The following APBB2 variants were observed in gnomAD, a reference collection of about 807,000 sequenced individuals.
The protein encoded by APBB2 is Fe65-like 1.
Under a neutral mutation model 82.5 loss-of-function variants are expected in APBB2, and 38 were observed. That is an observed-to-expected ratio of 0.46 (90% CI 0.36 to 0.60). The LOEUF (loss-of-function observed/expected upper bound fraction) is 0.60, where lower values mean the gene tolerates loss of function less well. Among genes scored for constraint, APBB2 ranks in the 20% least tolerant of loss-of-function variants. APBB2 has a pLI of 0.00. For synonymous variants in APBB2, 341 were observed against 368.2 expected, an observed-to-expected ratio of 0.93 and a Z score of 0.85; for missense variants, 772 against 972.3, an observed-to-expected ratio of 0.79 and a Z score of 2.74.
chr4:40,921,889 A>G (rs866894850), intron 10 of APBB2, among the ~76,000 whole-genome samples: 2 of 152,190 alleles, frequency 1.3e-5, no homozygotes, highest in South Asian at 2.1e-4. Flanking sequence ...TGGCTGGGGC[A>G]GAAAAGTGGG....
In APBB2 at chr4:40,832,013, T is replaced by TATACACACACACACACACACACAC. The variant is rs777910826; in HGVS notation, c.1530-1437_1530-1436insGTGTGTGTGTGTGTGTGTGTGTAT. Among the ~76,000 whole-genome samples, 148 of 138,972 alleles carry TATACACACACACACACACACACAC rather than the reference T, an allele frequency of 1.1e-3. 1 individual carries two copies. The highest frequency in any genetic ancestry group is 2.1e-3 in the South Asian group (9 of 4,216). 91.2% of individuals were successfully genotyped at this position (138,972 alleles called of 152,430 possible). A position where few individuals can be genotyped will look rare whatever the true frequency, so the allele number is the denominator to read the frequency against. On this transcript the variant is annotated intron_variant, in intron 12 of 17. Coordinates refer to ENST00000508593, the MANE Select transcript of APBB2 (RefSeq NM_004307.2). This position sits in a 1 kb window ranked among gnomAD's most constrained non-coding sequence, Gnocchi z 4.8. ...ACACATATTTATATATTTATTTATA[T>TATACACACACACACACACACACAC]ACACACACACACACACACACACACA...
intron 10 of APBB2, among the ~76,000 whole-genome samples, chr4:40,927,857 C>T (rs1253794481): frequency 2.0e-5 from 3 of 152,054 alleles, no homozygotes; most frequent in African/African-American, 4.8e-5. Flanking sequence ...GAAGTCTGAG[C>T]GGAGTTACAC....
chr4:41,178,602 C>T (rs1424109769), intron 1 of APBB2, among the ~76,000 whole-genome samples: 1 of 152,154 alleles, frequency 6.6e-6, no homozygotes, highest in East Asian at 1.9e-4. Context: ...ATGAATGAAC[C>T]TCATCTTCTA....
At position 41,014,317 on chromosome 4, in the gene APBB2, G is replaced by A; in HGVS notation, c.101C>T (p.Thr34Ile). 7 of 1,614,182 alleles carry A rather than the reference G, an allele frequency of 4.3e-6. No individual in the cohort carries two copies. The highest frequency in any genetic ancestry group is 5.9e-6 in the Non-Finnish European group (7 of 1,180,048). The change falls in exon 6 of 18, where the codon ACA becomes ATA. Residue 34 changes from threonine (T) to isoleucine (I), a missense_variant. Physicochemically the swap from Thr to Ile is moderately conservative, Grantham distance 89. Transcript: ENST00000508593. ...TDVTNRNSPA[T>I]PPNTLNLRSS... ...TCGGAGGTTAAGGGTGTTTGGTGGT[G>A]TGGCTGGGCTGTTCCGATTTGTGAC...
At chr4:40,949,217 T>G (rs1271331700) in intron 6 of APBB2, among the ~76,000 whole-genome samples, 2 of 151,802 alleles carry the variant, frequency 1.3e-5, no homozygotes, top group Non-Finnish European at 2.9e-5. Flanking sequence ...TGCAGTAAGC[T>G]GAGATCGTGC....
intron 6 of APBB2, among the ~76,000 whole-genome samples, chr4:40,984,363 G>C (rs1288873639): frequency 6.6e-6 from 1 of 152,128 alleles, no homozygotes; most frequent in African/African-American, 2.4e-5. Flanking sequence ...ACCTTTCAGG[G>C]AACTTAAAGG....
At chr4:40,929,217 G>C (rs909274692) in intron 10 of APBB2, among the ~76,000 whole-genome samples, 1 of 151,852 alleles carries the variant, frequency 6.6e-6, no homozygotes, top group Non-Finnish European at 1.5e-5. Flanking sequence ...AAAGTGCATA[G>C]AAAAATAAGA....
At chr4:41,140,060 T>TA (rs1466553532) in intron 2 of APBB2, among the ~76,000 whole-genome samples, 1 of 152,144 alleles carries the variant, frequency 6.6e-6, no homozygotes. Context: ...AATTACAAAA[T>TA]ATAATATTAA....
chr4:41,141,048 T>C (rs1422158477), intron 2 of APBB2, among the ~76,000 whole-genome samples: 1 of 152,182 alleles, frequency 6.6e-6, no homozygotes, highest in Non-Finnish European at 1.5e-5. Context: ...ACTCACTGTT[T>C]GGAAAAACTG....
intron 3 of APBB2, among the ~76,000 whole-genome samples, chr4:41,090,858 G>C (rs1741441529): frequency 6.6e-6 from 1 of 152,170 alleles, no homozygotes; most frequent in South Asian, 2.1e-4. Context: ...AAGGCATAGA[G>C]GGCTCATATG....
At chr4:41,085,268 A>G (rs902805942) in intron 3 of APBB2, among the ~76,000 whole-genome samples, 1 of 151,680 alleles carries the variant, frequency 6.6e-6, no homozygotes, top group African/African-American at 2.4e-5. Context: ...AAAAAAAAAA[A>G]AGACTGAAAC....
intron 7 of APBB2, among the ~76,000 whole-genome samples, chr4:40,938,289 G>A (rs1785897689): frequency 1.3e-5 from 2 of 152,182 alleles, no homozygotes; most frequent in African/African-American, 4.8e-5. Context: ...GCTCAGTTCT[G>A]GGAGAGCCTT....
At chr4:41,115,528 G>A (rs1341387070) in intron 2 of APBB2, among the ~76,000 whole-genome samples, 2 of 152,094 alleles carry the variant, frequency 1.3e-5, no homozygotes, top group African/African-American at 4.8e-5. Context: ...TCATCAGAGT[G>A]AACAGGCAAC....
chr4:40,837,017 T>C (rs1217876091), intron 12 of APBB2, among the ~76,000 whole-genome samples: 1 of 152,240 alleles, frequency 6.6e-6, no homozygotes, highest in East Asian at 1.9e-4. Context: ...TAAAGGCCAC[T>C]GTGGTCATAC....
chr4:40,920,059 A>G (rs1780858706), intron 10 of APBB2, among the ~76,000 whole-genome samples: 1 of 152,070 alleles, frequency 6.6e-6, no homozygotes, highest in Non-Finnish European at 1.5e-5. Context: ...TGTCATTAAT[A>G]TGGTTTGGCT....
intron 3 of APBB2, among the ~76,000 whole-genome samples, chr4:41,099,474 G>A (rs367751892): frequency 2.9e-4 from 44 of 152,062 alleles, no homozygotes; most frequent in African/African-American, 8.7e-4. Flanking sequence ...CAGGTGATCC[G>A]TCCACCTCGG....
intron 5 of APBB2, among the ~76,000 whole-genome samples, chr4:41,025,958 A>AG (rs891187110): frequency 6.6e-6 from 1 of 151,496 alleles, no homozygotes; most frequent in African/African-American, 2.4e-5. Flanking sequence ...AAAAAAAAAA[A>AG]AAAAAGAAAA....
Position 40,814,313 on chromosome 4 carries a change from G to A in APBB2, c.*1779C>T, listed in dbSNP as rs1745067869. 1 of 150,952 alleles carries A rather than the reference G, an allele frequency of 6.6e-6. No individual in the cohort carries two copies. Among genetic ancestry groups the A allele is most frequent in the African/African-American group, 2.4e-5 (1 of 41,032 alleles). 9.4% of individuals were successfully genotyped at this position (150,952 alleles called of 1,614,324 possible). ...CTCCCACTCGTGTAGGGAATTCTAA[G>A]ATTCCCTGACAATAGATCTTTCCAT... On this transcript the variant is annotated 3_prime_UTR_variant, in exon 18 of 18. Coordinates refer to ENST00000508593, the MANE Select transcript of APBB2 (RefSeq NM_004307.2).
chr4:40,964,405 A>G (rs146649598), intron 6 of APBB2, among the ~76,000 whole-genome samples: 1 of 152,322 alleles, frequency 6.6e-6, no homozygotes, highest in East Asian at 1.9e-4. Flanking sequence ...ACTGAGCAAA[A>G]CCACGTAAAA....
Sources: allele counts gnomAD v4.1 joint callset (sites outside exome capture counted in the v4.1 genomes callset), GRCh38; gene constraint gnomAD v4.1.1; non-coding constraint Gnocchi (gnomAD v3.1); transcripts MANE v1.5; gene names NCBI Gene and HGNC (gene_info 2026-07-23, HGNC 2026-07-21).